AURKC: variants seen among roughly 807,000 people sequenced by gnomAD.
The protein encoded by AURKC is aurora kinase C, also known as ARK-3.
AURKC carries 15 observed loss-of-function variants against 29.2 expected under a neutral mutation model. The ratio of observed to expected loss-of-function variants is 0.51; its 90% confidence interval spans 0.34 to 0.79. The LOEUF (loss-of-function observed/expected upper bound fraction) is 0.79. Among genes scored for constraint, AURKC ranks in the 30% least tolerant of loss-of-function variants. The pLI, the probability that AURKC is intolerant of heterozygous loss-of-function variation, is 0.01. For synonymous variants in AURKC, 150 were observed against 149.9 expected (o/e 1.00, Z -0.01); for missense variants, 332 against 383.2 (o/e 0.87, Z 1.12).
chr19:57,231,347 G>A (rs774744694), intron 1 of AURKC, 41 bp downstream of exon 1: 2 of 1,549,900 alleles, frequency 1.3e-6, no homozygotes, highest in Non-Finnish European at 1.7e-6. Context: ...GGAAGGCTGG[G>A]GACTGGGCCA....
At position 57,235,364 on chromosome 19, in the gene AURKC, G is replaced by C. The variant is rs749109023; in HGVS notation, c.877G>C (p.Val293Leu). The C allele has an allele frequency of 2.5e-6, 4 of 1,613,962 alleles. No homozygotes were observed. The highest frequency in any genetic ancestry group is 1.1e-5 in the South Asian group (1 of 91,080). The part of the protein sequence containing the change: ...PLAQILKHPW[V>L]QAHSRRVLPP... ...GGCCCAGATCCTGAAGCACCCCTGG[G>C]TTCAGGCCCACTCCCGAAGGGTGCT... The change falls in exon 7 of 7, where the codon GTT (valine) becomes CTT (leucine). Residue 293 changes from valine to leucine, a missense_variant. By Grantham distance (32) the Val-to-Leu change is conservative. Transcript: ENST00000302804.
At chr19:57,231,545 CCTTA>C (rs776293876) in intron 1 of AURKC, 193 bp from the exon 2 acceptor site, 159 of 757,970 alleles carry the variant, frequency 2.1e-4, no homozygotes, top group Non-Finnish European at 3.3e-4. Flanking sequence ...CCCTACCTTA[CCTTA>C]CTCTTTCTTC....
Position 57,231,966 on chromosome 19 carries a change from C to T in AURKC, c.105-67C>T, listed in dbSNP as rs758099. ...AATGAAAGAGGAAGGGGAGCATTGGCATCCCTGACTTTCCCTCCGCCTACC... is the reference window on the plus strand; with the variant it reads ...AATGAAAGAGGAAGGGGAGCATTGGTATCCCTGACTTTCCCTCCGCCTACC... On this transcript the variant is annotated intron_variant, in intron 2 of 6. Transcript: ENST00000302804. The T allele has an allele frequency of 0.31, 504,705 of 1,604,894 alleles. 83,949 individuals are homozygous for T. Among genetic ancestry groups the T allele is most frequent in the East Asian group, 0.69 (30,752 of 44,780 alleles).
Position 57,231,831 on chromosome 19 carries a change from G to A in AURKC, c.104+44G>A, listed in dbSNP as rs750113698. ...GTATCTGGAAAAGGAAGGAAGGTGG[G>A]ACGTGGGGATGAAGAACAGACTGGG... is the stretch of plus-strand genomic sequence containing the variant. On this transcript the variant is annotated intron_variant, in intron 2 of 6. Transcript: ENST00000302804. 7 of 1,614,004 alleles carry A rather than the reference G, an allele frequency of 4.3e-6. No individual in the cohort carries two copies. The South Asian group carries it at 7.7e-5, about 18-fold the overall frequency.
In AURKC at chr19:57,235,335, C is replaced by A; in HGVS notation, c.848C>A (p.Pro283His). 1 of 1,614,156 alleles carries A rather than the reference C, an allele frequency of 6.2e-7. No homozygotes were observed. Among genetic ancestry groups the A allele is most frequent in the Non-Finnish European group, 8.5e-7 (1 of 1,180,032 alleles). Residue 283 changes from proline to histidine, a missense_variant, in exon 7 of 7, where the codon CCC (proline) becomes CAC (histidine). Physicochemically the swap from Pro to His is moderately conservative, Grantham distance 77. Transcript: ENST00000302804. Reference protein sequence around the residue: ...LLRYQPLERLPLAQILKHPWV... With the variant: ...LLRYQPLERLHLAQILKHPWV... ...AGATACCAGCCCTTGGAGAGACTGC[C>A]CCTGGCCCAGATCCTGAAGCACCCC...
Position 57,231,042 on chromosome 19 carries a change from T to TA in AURKC, c.-203dup. ...CTCTCTGAGCGGTTGGTGCCGGGTA[T>TA]AAAAGAAGGCCGCGCAGCCACGGCT... On this transcript the variant is annotated 5_prime_UTR_variant, in exon 1 of 7. Transcript: ENST00000302804. 1.6e-6 allele frequency: 2 copies of TA among 1,242,926 alleles called. No individual in the cohort carries two copies. The highest frequency in any genetic ancestry group is 2.6e-5 in the South Asian group (2 of 77,470). The allele number at this position is 1,242,926 out of a possible 1,614,324, so 77.0% of individuals were successfully genotyped here.
intron 1 of AURKC, 103 bp from the exon 2 acceptor site, chr19:57,231,639 C>G: frequency 1.5e-6 from 2 of 1,311,220 alleles, no homozygotes; most frequent in Admixed American, 1.9e-5. Flanking sequence ...CCTCACCTCT[C>G]GCTCCCTATT....
rs765945753 is a variant in AURKC at position 57,232,205 on chromosome 19, G to C, written c.277G>C (p.Glu93Gln). 1.2e-6 allele frequency: 2 copies of C among 1,614,008 alleles called. No individual in the cohort carries two copies. Among genetic ancestry groups the C allele is most frequent in the Non-Finnish European group, 1.7e-6 (2 of 1,180,016 alleles). ...GLEHQLRREI[E>Q]IQAHLQHPNI... ...GGAGCACCAGCTGCGCCGGGAAATT[G>C]AGATCCAGGCTCATCTACAGTAAGG... The change falls in exon 3 of 7, where the codon GAG (glutamate) becomes CAG (glutamine). Residue 93 changes from glutamate (E) to glutamine (Q), a missense_variant. By Grantham distance (29) the Glu-to-Gln change is conservative. Coordinates refer to ENST00000302804, the MANE Select transcript of AURKC (RefSeq NM_001015878.2). This position sits in a 1 kb window ranked among gnomAD's most constrained non-coding sequence, Gnocchi z 4.5.
Position 57,233,557 on chromosome 19 carries a change from G to T in AURKC, c.533G>T (p.Gly178Val). 6.2e-7 allele frequency: 1 copy of T among 1,614,152 alleles called. No individual in the cohort carries two copies. The highest frequency in any genetic ancestry group is 8.5e-7 in the Non-Finnish European group (1 of 1,180,042). Reference sequence around the variant, plus strand: ...GAGAACCTGCTGCTGGGGTTCAGGGGTGAGGTGAAGATTGCAGATTTTGGC... The same window carrying T: ...GAGAACCTGCTGCTGGGGTTCAGGGTTGAGGTGAAGATTGCAGATTTTGGC... ...KPENLLLGFRGEVKIADFGWS... is the reference protein window; with the variant it reads ...KPENLLLGFRVEVKIADFGWS... The change falls in exon 5 of 7, where the codon GGT (glycine) becomes GTT (valine). Residue 178 changes from glycine to valine, a missense_variant. Physicochemically the swap from Gly to Val is moderately radical, Grantham distance 109. Transcript: ENST00000302804.
intron 5 of AURKC, among the ~76,000 whole-genome samples, chr19:57,234,053 C>CTTTTTTTTTTTT (rs10586926): frequency 3.6e-5 from 4 of 112,618 alleles, no homozygotes; most frequent in South Asian, 2.8e-4. Flanking sequence ...TTTTTCTTTT[C>CTTTTTTTTTTTT]TTTTTTTTTT....
At chr19:57,233,387 T>C in intron 4 of AURKC, 73 bp from the exon 5 acceptor site, 2 of 1,602,262 alleles carry the variant, frequency 1.2e-6, no homozygotes. Flanking sequence ...ATACAATTCA[T>C]GGTAAGTGTT....
chr19:57,232,887 A>G lies in AURKC; in HGVS notation c.435+207A>G, dbSNP rs1192324117. On this transcript the variant is annotated intron_variant, in intron 4 of 6. Transcript: ENST00000302804. The surrounding 1 kb of genome is among the most constrained non-coding windows in gnomAD (Gnocchi z 4.5). ...ACCTCATTGTATCTCCAGAATATTA[A>G]TAAGTACTGCGTATAGGTTTGGATT... 6.6e-6 allele frequency among the ~76,000 whole-genome samples: 1 copy of G among 152,228 alleles called. No homozygotes were observed. Among genetic ancestry groups the G allele is most frequent in the Non-Finnish European group, 1.5e-5 (1 of 68,040 alleles).
At position 57,231,764 on chromosome 19, in the gene AURKC, C is replaced by G. The variant is rs769353114; in HGVS notation, c.81C>G (p.Ala27=). The G allele has an allele frequency of 2.5e-6, 4 of 1,613,242 alleles. 1 individual carries two copies. The highest frequency in any genetic ancestry group is 3.3e-4 in the Middle Eastern group (2 of 6,052). ...GEELATANQT[A]QQPSSPAMRR... ...CAGTGGCTACAGCAAACCAAACAGC[C>G]CAGCAGCCCAGCAGCCCAGCCATGT... Residue 27 remains alanine, a synonymous_variant, in exon 2 of 7, where the codon GCC becomes GCG. Coordinates refer to ENST00000302804, the MANE Select transcript of AURKC (RefSeq NM_001015878.2).
chr19:57,231,976 T>C, intron 2 of AURKC, 57 bp from the exon 3 acceptor site: 1 of 1,611,640 alleles, frequency 6.2e-7, no homozygotes, highest in Non-Finnish European at 8.5e-7. Flanking sequence ...CATCCCTGAC[T>C]TTCCCTCCGC....
intron 5 of AURKC, 96 bp downstream of exon 5, chr19:57,233,704 C>A: frequency 1.3e-6 from 2 of 1,540,956 alleles, no homozygotes; most frequent in Non-Finnish European, 9.0e-7. Flanking sequence ...AACCTAGATA[C>A]GAACTTGGGG....
intron 6 of AURKC, 84 bp from the exon 7 acceptor site, chr19:57,235,163 G>A (rs1426562589): frequency 3.4e-5 from 55 of 1,610,214 alleles, no homozygotes; most frequent in Non-Finnish European, 4.2e-5. Context: ...CCAGAACAGC[G>A]CCTTAACAAG....
intron 6 of AURKC, 89 bp downstream of exon 6, chr19:57,235,147 T>A: frequency 6.2e-7 from 1 of 1,611,364 alleles, no homozygotes; most frequent in Non-Finnish European, 8.5e-7. Context: ...GGTTGTCTTC[T>A]GTGGTCCAGA....
At position 57,231,212 on chromosome 19, in the gene AURKC, G is replaced by C. The variant is rs548550020; in HGVS notation, c.-37G>C. ...GTGAACGGGAACAGCCATCCAGAGGGTTCAGGAAGGCGTCCGCGCCCTCAC... is the reference window on the plus strand; with the variant it reads ...GTGAACGGGAACAGCCATCCAGAGGCTTCAGGAAGGCGTCCGCGCCCTCAC... On this transcript the variant is annotated 5_prime_UTR_variant, in exon 1 of 7. Transcript: ENST00000302804. 2.6e-6 allele frequency: 4 copies of C among 1,551,624 alleles called. No individual in the cohort carries two copies. In the South Asian group the frequency reaches 4.8e-5, roughly 18 times the overall value.
At position 57,232,763 on chromosome 19, in the gene AURKC, C is replaced by A; in HGVS notation, c.435+83C>A. 6.4e-7 allele frequency: 1 copy of A among 1,564,134 alleles called. No homozygotes were observed. The highest frequency in any genetic ancestry group is 8.8e-7 in the Non-Finnish European group (1 of 1,139,524). ...CTCTGTTTGTGGCTGTCAGGAGGGT[C>A]CGCATTGCCTTCTGAGAAGTTTACT... On this transcript the variant is annotated intron_variant, in intron 4 of 6. Transcript: ENST00000302804. This position sits in a 1 kb window ranked among gnomAD's most constrained non-coding sequence, Gnocchi z 4.5.
Sources: gnomAD v4.1 joint callset for allele counts (sites outside exome capture counted in the v4.1 genomes callset) on GRCh38, gnomAD v4.1.1 for gene constraint, Gnocchi (gnomAD v3.1) non-coding constraint, MANE v1.5 for transcripts, NCBI Gene and HGNC (gene_info 2026-07-23, HGNC 2026-07-21) for gene names.